SMIM14: variants seen among roughly 807,000 people sequenced by gnomAD.
SMIM14 encodes small integral membrane protein 14, also known as chromosome 4 open reading frame 34.
Under a neutral mutation model 12.6 loss-of-function variants are expected in SMIM14, and 5 were observed. That is an observed-to-expected ratio of 0.40 (90% CI 0.21 to 0.83). The LOEUF is 0.83. Ranked by LOEUF, SMIM14 falls within the 40% of genes least tolerant of loss-of-function variation. The pLI is 0.37. For synonymous variants in SMIM14, 30 were observed against 40.1 expected, an observed-to-expected ratio of 0.75 and a Z score of 0.95; for missense variants, 86 against 119.1, an observed-to-expected ratio of 0.72 and a Z score of 1.29.
intron 1 of SMIM14, among the ~76,000 whole-genome samples, chr4:39,616,051 T>C (rs1225085737): frequency 6.6e-6 from 1 of 152,212 alleles, no homozygotes; most frequent in Non-Finnish European, 1.5e-5. Flanking sequence ...ATCTCTATAG[T>C]AGATTTGGCT....
intron 1 of SMIM14, among the ~76,000 whole-genome samples, chr4:39,606,249 G>A (rs1035397706): frequency 1.3e-5 from 2 of 152,002 alleles, no homozygotes; most frequent in Admixed American, 6.6e-5. Flanking sequence ...AGAAGGCTGA[G>A]GTGGGAGGAT....
chr4:39,627,580 C>T (rs1258213291), intron 1 of SMIM14, among the ~76,000 whole-genome samples: 1 of 152,164 alleles, frequency 6.6e-6, no homozygotes, highest in Non-Finnish European at 1.5e-5. Context: ...ACTTAATAAA[C>T]TGAAAAAGTT....
intron 2 of SMIM14, among the ~76,000 whole-genome samples, chr4:39,601,275 A>G (rs934670748): frequency 6.6e-6 from 1 of 152,210 alleles, no homozygotes; most frequent in African/African-American, 2.4e-5. Context: ...TCTACTTGCT[A>G]TAAGAACTTT....
intron 2 of SMIM14, among the ~76,000 whole-genome samples, chr4:39,574,766 A>G (rs1713078475): frequency 6.6e-6 from 1 of 152,192 alleles, no homozygotes; most frequent in Admixed American, 6.5e-5. Context: ...TATTGGAATT[A>G]ACAACTAAAC....
chr4:39,566,000 G>A (rs965837156), intron 3 of SMIM14, among the ~76,000 whole-genome samples: 1 of 151,874 alleles, frequency 6.6e-6, no homozygotes, highest in Non-Finnish European at 1.5e-5. Flanking sequence ...ATGTGGAATT[G>A]TAAGTCCAAT....
At chr4:39,571,477 G>T (rs1712883038) in intron 3 of SMIM14, among the ~76,000 whole-genome samples, 1 of 152,104 alleles carries the variant, frequency 6.6e-6, no homozygotes, top group Non-Finnish European at 1.5e-5. Context: ...CTACTAGGGA[G>T]GCTGAGGTGG....
intron 1 of SMIM14, among the ~76,000 whole-genome samples, chr4:39,622,629 G>A (rs771464565): frequency 1.5e-4 from 23 of 152,142 alleles, no homozygotes; most frequent in Non-Finnish European, 3.2e-4. Flanking sequence ...TGAAACTCCT[G>A]ACCTCAAGTG....
intron 2 of SMIM14, among the ~76,000 whole-genome samples, chr4:39,589,291 T>C (rs1713938456): frequency 6.6e-6 from 1 of 152,194 alleles, no homozygotes; most frequent in Non-Finnish European, 1.5e-5. Flanking sequence ...TTCACCATGT[T>C]GACCAGGTTA....
chr4:39,628,714 GTTT>G (rs1715793022), intron 1 of SMIM14, among the ~76,000 whole-genome samples: 1 of 143,022 alleles, frequency 7.0e-6, no homozygotes, highest in African/African-American at 2.5e-5. Flanking sequence ...TCAGGAAAAT[GTTT>G]TTCTTTTTTT....
rs933220739 is a variant in SMIM14 at position 39,596,975 on chromosome 4, C to T, written c.75+8096G>A. Among the ~76,000 whole-genome samples, 16 of 151,810 alleles carry T rather than the reference C, an allele frequency of 1.1e-4. No homozygotes were observed. The East Asian group carries it at 1.7e-3, about 17-fold the overall frequency. On this transcript the variant is annotated intron_variant, in intron 2 of 4. Coordinates refer to ENST00000295958, the MANE Select transcript of SMIM14 (RefSeq NM_174921.3). Reference sequence around the variant, plus strand: ...ATTTTTTGTAGAAAAGGGATTTTGCCGTATTGCCCAGGCTGGTCTTGAACT... The same window carrying T: ...ATTTTTTGTAGAAAAGGGATTTTGCTGTATTGCCCAGGCTGGTCTTGAACT...
intron 1 of SMIM14, among the ~76,000 whole-genome samples, chr4:39,636,703 AAAC>A (rs1254331578): frequency 8.9e-6 from 1 of 112,168 alleles, no homozygotes; most frequent in Non-Finnish European, 2.0e-5. Context: ...AAAAATTATA[AAAC>A]AACCCCCCCC....
Position 39,556,682 on chromosome 4 carries a change from T to TA in SMIM14, c.125-113dup, listed in dbSNP as rs200725700. The TA allele has an allele frequency of 1.1e-3, 1,120 of 992,490 alleles. 9 individuals are homozygous for TA. The African/African-American group carries it at 0.017, about 15-fold the overall frequency. 61.5% of individuals were successfully genotyped at this position (992,490 alleles called of 1,614,324 possible). A position where few individuals can be genotyped will look rare whatever the true frequency, so the allele number is the denominator to read the frequency against. On this transcript the variant is annotated intron_variant, in intron 3 of 4. Transcript: ENST00000295958. ...TGTATTAATATAAAAATTGTATTGA[T>TA]AAATTACAAAAGTACATATTATATC...
At chr4:39,589,370 A>G (rs758660558) in intron 2 of SMIM14, among the ~76,000 whole-genome samples, 1 of 152,248 alleles carries the variant, frequency 6.6e-6, no homozygotes, top group Non-Finnish European at 1.5e-5. Flanking sequence ...TACAGGCATG[A>G]GCCACTGCAC....
intron 2 of SMIM14, among the ~76,000 whole-genome samples, chr4:39,603,514 G>A (rs937520970): frequency 1.3e-5 from 2 of 152,010 alleles, no homozygotes. Context: ...AGCCAAGATC[G>A]CGCCACTGCA....
At chr4:39,582,314 T>C (rs1047345672) in intron 2 of SMIM14, among the ~76,000 whole-genome samples, 11 of 152,194 alleles carry the variant, frequency 7.2e-5, no homozygotes, top group Admixed American at 7.2e-4. Context: ...GGATCTTTCC[T>C]TTGCAGCAAA....
At chr4:39,621,096 A>G (rs1410957461) in intron 1 of SMIM14, 1 of 152,206 alleles carries the variant, frequency 6.6e-6, no homozygotes, top group Non-Finnish European at 1.5e-5. Context: ...CAAAAAGAAA[A>G]AACCTACTAG....
intron 3 of SMIM14, among the ~76,000 whole-genome samples, chr4:39,566,868 G>A (rs1712598772): frequency 6.6e-6 from 1 of 152,158 alleles, no homozygotes; most frequent in African/African-American, 2.4e-5. Context: ...TCGGGAGGCT[G>A]AGGCAGGAGA....
At chr4:39,616,759 C>T (rs1280851950) in intron 1 of SMIM14, among the ~76,000 whole-genome samples, 1 of 151,374 alleles carries the variant, frequency 6.6e-6, no homozygotes, top group African/African-American at 2.4e-5. Flanking sequence ...AAAATATGTA[C>T]CCTTTGAAAC....
intron 2 of SMIM14, among the ~76,000 whole-genome samples, chr4:39,572,842 C>A (rs762465751): frequency 4.0e-5 from 6 of 151,694 alleles, no homozygotes; most frequent in Non-Finnish European, 8.8e-5. Flanking sequence ...ATCATGTTTT[C>A]TTTTGTTTTT....
Sources: gnomAD v4.1 joint callset for allele counts (sites outside exome capture counted in the v4.1 genomes callset) on GRCh38, gnomAD v4.1.1 for gene constraint, MANE v1.5 for transcripts, NCBI Gene and HGNC (gene_info 2026-07-23, HGNC 2026-07-21) for gene names.